The following CPXM2 variants were observed in gnomAD, a reference collection of about 807,000 sequenced individuals.
CPXM2 encodes the protein carboxypeptidase X, M14 family member 2.
In CPXM2, 66 loss-of-function variants were observed where a neutral mutation model predicts 86.1. The ratio of observed to expected loss-of-function variants is 0.77; its 90% CI spans 0.63 to 0.94. The LOEUF is 0.94. Ranked by LOEUF, CPXM2 falls within the 40% of genes least tolerant of loss-of-function variation. The probability of loss-of-function intolerance (pLI) is 0.00; values close to 1 mark genes in which losing one functional copy is unlikely to be tolerated. For synonymous variants in CPXM2, 388 were observed against 400.2 expected, an observed-to-expected ratio of 0.97 and a Z score of 0.36; for missense variants, 948 against 1,026.3, an observed-to-expected ratio of 0.92 and a Z score of 1.04.
intron 11 of CPXM2, 104 bp from the exon 12 acceptor site, chr10:123,757,456 C>T: frequency 2.1e-6 from 2 of 950,692 alleles, no homozygotes; most frequent in Non-Finnish European, 3.3e-6. Context: ...TTCGGAAGGC[C>T]TTGTTTAAAC....
At chr10:123,818,547 T>C (rs1308883573) in intron 4 of CPXM2, among the ~76,000 whole-genome samples, 1 of 152,208 alleles carries the variant, frequency 6.6e-6, no homozygotes, top group Non-Finnish European at 1.5e-5. Context: ...CACGCAATGC[T>C]TCTGCCAAGA....
chr10:123,831,208 A>C (rs1413863647), intron 4 of CPXM2, among the ~76,000 whole-genome samples: 1 of 152,244 alleles, frequency 6.6e-6, no homozygotes, highest in Non-Finnish European at 1.5e-5. Flanking sequence ...AGCAGTTCCT[A>C]AACAGCCCCA....
chr10:123,890,309 A>G (rs79321540), intron 1 of CPXM2, among the ~76,000 whole-genome samples: 2,792 of 152,334 alleles, frequency 0.018, 203 homozygotes, highest in East Asian at 0.13. Flanking sequence ...CACAAATGGA[A>G]GCATGCCAGG....
intron 8 of CPXM2, 130 bp downstream of exon 8, chr10:123,770,786 G>A (rs969501602): frequency 1.3e-5 from 12 of 947,974 alleles, no homozygotes; most frequent in African/African-American, 1.6e-5. Flanking sequence ...ATCTGTCTAC[G>A]TGAGACAGCA....
At chr10:123,798,253 GAAAAAA>G in intron 5 of CPXM2, 127 bp from the exon 6 acceptor site, 1 of 375,536 alleles carries the variant, frequency 2.7e-6, no homozygotes, top group Non-Finnish European at 4.3e-6. Context: ...GCATTGAAAA[GAAAAAA>G]AAAAAAAAAA....
chr10:123,753,147 G>C (rs748715216), intron 13 of CPXM2, among the ~76,000 whole-genome samples: 4 of 152,102 alleles, frequency 2.6e-5, no homozygotes, highest in Non-Finnish European at 5.9e-5. Context: ...GGGGAAGAAG[G>C]TTCAGGTGGA....
intron 2 of CPXM2, among the ~76,000 whole-genome samples, chr10:123,931,930 C>G (rs79411229): frequency 1.3e-5 from 2 of 152,056 alleles, no homozygotes; most frequent in African/African-American, 4.8e-5. Flanking sequence ...CACATGAGAA[C>G]TATGGATGCT....
chr10:123,857,653 T>TGGAAGGCGGCGTGGAGAC (rs1554886292), intron 3 of CPXM2, among the ~76,000 whole-genome samples: 1,255 of 101,288 alleles, frequency 0.012, 100 homozygotes, highest in Middle Eastern at 0.054. Flanking sequence ...GGCGTGGAGA[T>TGGAAGGCGGCGTGGAGAC]GGAAGGCGGC....
At chr10:123,927,878 G>A (rs181637792) in intron 2 of CPXM2, among the ~76,000 whole-genome samples, 15 of 152,268 alleles carry the variant, frequency 9.9e-5, no homozygotes, top group East Asian at 7.7e-4. Context: ...TCTCCCTTTC[G>A]GGAATTTTCT....
chr10:123,883,163 G>T (rs1017970065), intron 1 of CPXM2, among the ~76,000 whole-genome samples: 1 of 152,214 alleles, frequency 6.6e-6, no homozygotes, highest in Non-Finnish European at 1.5e-5. Flanking sequence ...TGGATGTCAG[G>T]CGAAGGTCCT....
At chr10:123,816,512 T>C (rs1432257663) in intron 4 of CPXM2, among the ~76,000 whole-genome samples, 1 of 152,196 alleles carries the variant, frequency 6.6e-6, no homozygotes, top group Non-Finnish European at 1.5e-5. Context: ...ACTCTCCCAT[T>C]TGGCCTGTGC....
At chr10:123,844,547 G>A (rs1233279674) in intron 3 of CPXM2, among the ~76,000 whole-genome samples, 1 of 152,124 alleles carries the variant, frequency 6.6e-6, no homozygotes, top group African/African-American at 2.4e-5. Context: ...ACCTGATACT[G>A]TCTAAGGTCA....
rs1848953898 is a variant in CPXM2 at position 123,865,357 on chromosome 10, T to C, written c.404-2634A>G. On this transcript the variant is annotated intron_variant, in intron 2 of 13. Coordinates refer to ENST00000241305, the MANE Select transcript of CPXM2 (RefSeq NM_198148.3). This position sits in a 1 kb window ranked among gnomAD's most constrained non-coding sequence, Gnocchi z 4.7. ...CCTTGAAAGGCAAAGACAGAGTTAC[T>C]GATCCGCCTGGGTTAGTGAGGGCCC... 6.6e-6 allele frequency among the ~76,000 whole-genome samples: 1 copy of C among 152,210 alleles called. No homozygotes were observed. Among genetic ancestry groups the C allele is most frequent in the Admixed American group, 6.5e-5 (1 of 15,280 alleles).
Position 123,873,856 on chromosome 10 carries a change from C to CTTTTTTTT in CPXM2, c.403+6347_403+6354dup, listed in dbSNP as rs56223052. ...CAACAGAAATTTATTTCTCACATTTCTTTTTTTTTTTTTTTTTTTTTGAGA... is the reference window on the plus strand; with the variant it reads ...CAACAGAAATTTATTTCTCACATTTCTTTTTTTTTTTTTTTTTTTTTTTTTTTTTGAGA... On this transcript the variant is annotated intron_variant, in intron 2 of 13. Coordinates refer to ENST00000241305, the MANE Select transcript of CPXM2 (RefSeq NM_198148.3). 9.5e-5 allele frequency among the ~76,000 whole-genome samples: 10 copies of CTTTTTTTT among 105,284 alleles called. 1 individual carries two copies. The highest frequency in any genetic ancestry group is 3.0e-4 in the Admixed American group (3 of 10,084). 69.1% of individuals were successfully genotyped at this position (105,284 alleles called of 152,430 possible).
At chr10:123,758,844 T>C (rs1846273071) in intron 11 of CPXM2, among the ~76,000 whole-genome samples, 1 of 152,154 alleles carries the variant, frequency 6.6e-6, no homozygotes, top group African/African-American at 2.4e-5. Flanking sequence ...TTCTGTGCCT[T>C]GGACAACTTT....
chr10:123,805,958 C>A (rs1208270823), intron 4 of CPXM2, among the ~76,000 whole-genome samples: 2 of 152,108 alleles, frequency 1.3e-5, no homozygotes, highest in Non-Finnish European at 2.9e-5. Flanking sequence ...CCAGCTTTTG[C>A]ATTATTTTGG....
intron 1 of CPXM2, among the ~76,000 whole-genome samples, chr10:123,884,712 C>A (rs1945152899): frequency 6.6e-6 from 1 of 151,584 alleles, no homozygotes; most frequent in Non-Finnish European, 1.5e-5. Context: ...ATCCCATGGC[C>A]CATCTCTCTC....
intron 2 of CPXM2, among the ~76,000 whole-genome samples, chr10:123,873,877 T>TG (rs1944935235): frequency 7.9e-6 from 1 of 126,046 alleles, no homozygotes; most frequent in East Asian, 2.0e-4. Flanking sequence ...TTTTTTTTTT[T>TG]GAGACAGAGT....
At chr10:123,839,806 G>A (rs1848349800) in intron 4 of CPXM2, among the ~76,000 whole-genome samples, 1 of 152,214 alleles carries the variant, frequency 6.6e-6, no homozygotes. Context: ...GTTGGAGACA[G>A]TACTATTCCC....
Sources: allele counts gnomAD v4.1 joint callset (sites outside exome capture counted in the v4.1 genomes callset), GRCh38; gene constraint gnomAD v4.1.1; non-coding constraint Gnocchi (gnomAD v3.1); transcripts MANE v1.5; gene names NCBI Gene and HGNC (gene_info 2026-07-23, HGNC 2026-07-21).